Variants in ANKRD31 observed in about 807,000 individuals in gnomAD.
ANKRD31 encodes ankyrin repeat domain 31, also known as ankyrin repeat domain-containing protein 31.
A neutral mutation model predicts 186.0 loss-of-function variants in ANKRD31; 147 were observed. That is an observed-to-expected ratio of 0.79 (90% CI 0.69 to 0.91). The LOEUF (loss-of-function observed/expected upper bound fraction) is 0.91, where lower values mean the gene tolerates loss of function less well. Ranked by LOEUF, ANKRD31 falls within the 40% of genes least tolerant of loss-of-function variation. The pLI, the probability that ANKRD31 is intolerant of heterozygous loss-of-function variation, is 0.00. For synonymous variants in ANKRD31, 673 were observed against 736.4 expected, an observed-to-expected ratio of 0.91 and a Z score of 1.39; for missense variants, 1,986 against 2,148.8, an observed-to-expected ratio of 0.92 and a Z score of 1.50.
At chr5:75,174,684 C>T (rs890311424) in intron 10 of ANKRD31, among the ~76,000 whole-genome samples, 1 of 152,198 alleles carries the variant, frequency 6.6e-6, no homozygotes, top group African/African-American at 2.4e-5. Context: ...AAAGAGATAC[C>T]ATCTCATGCC....
Position 75,068,563 on chromosome 5 carries a change from G to T in ANKRD31, c.5749C>A (p.Gln1917Lys). 1 of 1,526,234 alleles carries T rather than the reference G, an allele frequency of 6.6e-7. No homozygotes were observed. The highest frequency in any genetic ancestry group is 8.8e-7 in the Non-Finnish European group (1 of 1,142,390). The allele number at this position is 1,526,234 out of a possible 1,614,324, so 94.5% of individuals were successfully genotyped here. The change falls in exon 26 of 26, where the codon CAG (glutamine) becomes AAG (lysine). Residue 1917 changes from glutamine (Q) to lysine (K), a missense_variant. Coordinates refer to ENST00000506364, the MANE Select transcript of ANKRD31 (RefSeq NM_001372053.1). ...QEFLPCHIMD[Q>K]HWKFCVECEE... ...CATTCCACACAAAACTTCCAATGCT[G>T]ATCCATTATGTGGCATGGGAGAAAT...
Position 75,068,556 on chromosome 5 carries a change from C to A in ANKRD31, c.5756G>T (p.Trp1919Leu). ...TTCCTCACATTCCACACAAAACTTC[C>A]AATGCTGATCCATTATGTGGCATGG... ...FLPCHIMDQHWKFCVECEELT... is the reference protein window; with the variant it reads ...FLPCHIMDQHLKFCVECEELT... Residue 1919 changes from tryptophan to leucine, a missense_variant, in exon 26 of 26, where the codon TGG becomes TTG. Trp to Leu is a moderately conservative substitution (Grantham distance 61). Transcript: ENST00000506364. The A allele has an allele frequency of 6.6e-7, 1 of 1,523,368 alleles. No homozygotes were observed. Among genetic ancestry groups the A allele is most frequent in the South Asian group, 1.3e-5 (1 of 79,890 alleles). 94.4% of individuals were successfully genotyped at this position (1,523,368 alleles called of 1,614,324 possible). A position where few individuals can be genotyped will look rare whatever the true frequency, so the allele number is the denominator to read the frequency against.
chr5:75,096,044 T>C (rs1403154466), intron 22 of ANKRD31, among the ~76,000 whole-genome samples: 2 of 152,184 alleles, frequency 1.3e-5, no homozygotes, highest in Non-Finnish European at 2.9e-5. Flanking sequence ...TTCTTCTCAA[T>C]TGCACAGGGA....
At chr5:75,087,648 T>C (rs187800972) in intron 23 of ANKRD31, among the ~76,000 whole-genome samples, 2 of 152,360 alleles carry the variant, frequency 1.3e-5, no homozygotes, top group East Asian at 3.9e-4. Context: ...GAATAATTGC[T>C]TTTTATCTCA....
chr5:75,172,378 A>C (rs1753398329), intron 10 of ANKRD31, among the ~76,000 whole-genome samples: 1 of 149,326 alleles, frequency 6.7e-6, no homozygotes, highest in South Asian at 2.1e-4. Flanking sequence ...AAAAAAAAAA[A>C]CTCTGTAAAT....
intron 18 of ANKRD31, among the ~76,000 whole-genome samples, chr5:75,117,139 T>C (rs1748358362): frequency 6.6e-6 from 1 of 152,176 alleles, no homozygotes; most frequent in Non-Finnish European, 1.5e-5. Flanking sequence ...ATTATCATTG[T>C]ACCCTATATT....
intron 17 of ANKRD31, among the ~76,000 whole-genome samples, chr5:75,133,377 A>T (rs146884952): frequency 0.012 from 1,876 of 152,330 alleles, 32 homozygotes; most frequent in African/African-American, 0.043. Context: ...TCTCTGCTAA[A>T]ACAGACTTTA....
chr5:75,158,725 G>A (rs951534704), intron 11 of ANKRD31, among the ~76,000 whole-genome samples: 11 of 152,092 alleles, frequency 7.2e-5, no homozygotes, highest in African/African-American at 2.2e-4. Flanking sequence ...CCAAAAATTC[G>A]AGGCTGCAGT....
At chr5:75,157,951 G>A (rs144434052) in intron 11 of ANKRD31, among the ~76,000 whole-genome samples, 1 of 152,286 alleles carries the variant, frequency 6.6e-6, no homozygotes, top group East Asian at 1.9e-4. Context: ...TTAGCAATGA[G>A]TGAAGAGTAA....
intron 10 of ANKRD31, among the ~76,000 whole-genome samples, chr5:75,178,609 C>G (rs2150211955): frequency 6.6e-6 from 1 of 152,218 alleles, no homozygotes; most frequent in Middle Eastern, 3.4e-3. Flanking sequence ...TACATGGAAA[C>G]TGAACAACCT....
At chr5:75,124,475 T>G (rs112196094) in intron 17 of ANKRD31, among the ~76,000 whole-genome samples, 138 of 152,278 alleles carry the variant, frequency 9.1e-4, no homozygotes, top group African/African-American at 3.1e-3. Flanking sequence ...AAAAGATACT[T>G]GTACTCAAAT....
chr5:75,128,261 G>C (rs941071766), intron 17 of ANKRD31, among the ~76,000 whole-genome samples: 2 of 151,330 alleles, frequency 1.3e-5, no homozygotes, highest in African/African-American at 4.9e-5. Context: ...CCTGGCAGGG[G>C]GTGGGGGACT....
chr5:75,130,873 G>A (rs570798778), intron 17 of ANKRD31, among the ~76,000 whole-genome samples: 3 of 152,318 alleles, frequency 2.0e-5, no homozygotes, highest in East Asian at 1.9e-4. Flanking sequence ...CACTCACCAC[G>A]GGACTTTGCA....
At chr5:75,202,767 G>A (rs1755899740) in intron 5 of ANKRD31, among the ~76,000 whole-genome samples, 1 of 152,130 alleles carries the variant, frequency 6.6e-6, no homozygotes, top group Admixed American at 6.6e-5. Context: ...CTATAGTCTG[G>A]AATTATAATA....
At chr5:75,173,617 G>A (rs930347320) in intron 10 of ANKRD31, among the ~76,000 whole-genome samples, 1 of 152,080 alleles carries the variant, frequency 6.6e-6, no homozygotes, top group African/African-American at 2.4e-5. Flanking sequence ...AGTCACGAGT[G>A]AACTCCCATT....
intron 1 of ANKRD31, among the ~76,000 whole-genome samples, chr5:75,232,099 T>A (rs1213803640): frequency 6.6e-6 from 1 of 152,158 alleles, no homozygotes; most frequent in Admixed American, 6.5e-5. Context: ...CTACTGACCA[T>A]TACTAAGGAT....
chr5:75,209,742 T>C (rs1342010731), intron 4 of ANKRD31, among the ~76,000 whole-genome samples: 1 of 152,202 alleles, frequency 6.6e-6, no homozygotes, highest in Admixed American at 6.6e-5. Flanking sequence ...TTCTATTTCA[T>C]CACACAGAAT....
At position 75,154,198 on chromosome 5, in the gene ANKRD31, T is replaced by C. The variant is rs1181211628; in HGVS notation, c.1852+3A>G. 6.6e-6 allele frequency: 10 copies of C among 1,513,342 alleles called. No homozygotes were observed. Among genetic ancestry groups the C allele is most frequent in the Non-Finnish European group, 8.8e-6 (10 of 1,135,132 alleles). The allele number at this position is 1,513,342 out of a possible 1,614,324, so 93.7% of individuals were successfully genotyped here. ...TAGCTATTACAGGGCAGTTTAATCTTACCTGATGTAAGGCATTTTTGATGT... is the reference window on the plus strand; with the variant it reads ...TAGCTATTACAGGGCAGTTTAATCTCACCTGATGTAAGGCATTTTTGATGT... On this transcript the variant is annotated splice_donor_region_variant and intron_variant, in intron 12 of 25. Coordinates refer to ENST00000506364, the MANE Select transcript of ANKRD31 (RefSeq NM_001372053.1).
At position 75,192,709 on chromosome 5, in the gene ANKRD31, C is replaced by T; in HGVS notation, c.1366G>A (p.Gly456Arg). 1.3e-6 allele frequency: 2 copies of T among 1,534,424 alleles called. No individual in the cohort carries two copies. Among genetic ancestry groups the T allele is most frequent in the South Asian group, 1.2e-5 (1 of 83,592 alleles). Residue 456 changes from glycine (G) to arginine (R), a missense_variant, in exon 9 of 26, where the codon GGA becomes AGA. Transcript: ENST00000506364. ...TGTTCATTTTTCCTGATCTGTTTTC[C>T]ATTCTTGAACCTTGCTGAATGCATA... ...KNMHSARFKN[G>R]KQIRKNEQFS...
Sources: gnomAD v4.1 joint callset for allele counts (sites outside exome capture counted in the v4.1 genomes callset) on GRCh38, gnomAD v4.1.1 for gene constraint, MANE v1.5 for transcripts, NCBI Gene and HGNC (gene_info 2026-07-23, HGNC 2026-07-21) for gene names.